SLC44A5: variants seen among roughly 807,000 people sequenced by gnomAD.
SLC44A5 encodes the protein choline transporter-like protein 5.
A neutral mutation model predicts 101.8 loss-of-function variants in SLC44A5; 57 were observed. That is an observed-to-expected ratio of 0.56 (90% CI 0.45 to 0.70). The LOEUF (loss-of-function observed/expected upper bound fraction) is 0.70, where lower values mean the gene tolerates loss of function less well. Among genes scored for constraint, SLC44A5 ranks in the 30% least tolerant of loss-of-function variants. The pLI, the probability that SLC44A5 is intolerant of heterozygous loss-of-function variation, is 0.00. For synonymous variants in SLC44A5, 281 were observed against 290.9 expected (o/e 0.97, Z 0.35); for missense variants, 737 against 853.1 (o/e 0.86, Z 1.70).
At chr1:75,666,902 A>G in the SLC44A5 span, among the ~76,000 whole-genome samples, 11 of 152,166 alleles carry the variant, frequency 7.2e-5, no homozygotes, top group African/African-American at 2.6e-4. Flanking sequence ...CATGCTAAAA[A>G]CTCTCAATAA....
chr1:75,392,666 G>A (rs1661868891), intron 3 of SLC44A5, among the ~76,000 whole-genome samples: 1 of 152,066 alleles, frequency 6.6e-6, no homozygotes, highest in African/African-American at 2.4e-5. Context: ...ATATCCAAAG[G>A]AAAAGAAATT....
rs533441261 is a variant in SLC44A5 at position 75,241,929 on chromosome 1, G to A, written c.532+72C>T. The A allele has an allele frequency of 2.8e-4, 378 of 1,336,548 alleles. 6 individuals are homozygous for A. The South Asian group carries it at 4.4e-3, about 15-fold the overall frequency. 82.8% of individuals were successfully genotyped at this position (1,336,548 alleles called of 1,614,324 possible). On this transcript the variant is annotated intron_variant, in intron 9 of 23. Transcript: ENST00000370859. ...TCTTGGCCTCAGTCTCATCAATTGTGAAATACGGGAACTTAATTAAGTAGC... is the reference window on the plus strand; with the variant it reads ...TCTTGGCCTCAGTCTCATCAATTGTAAAATACGGGAACTTAATTAAGTAGC...
intron 4 of SLC44A5, among the ~76,000 whole-genome samples, chr1:75,328,204 C>T (rs940554402): frequency 6.6e-6 from 1 of 152,060 alleles, no homozygotes; most frequent in African/African-American, 2.4e-5. Context: ...ACTCTCTTGC[C>T]AAAAGAATGT....
intron 2 of SLC44A5, among the ~76,000 whole-genome samples, chr1:75,457,723 A>G (rs757286370): frequency 3.3e-5 from 5 of 152,036 alleles, no homozygotes; most frequent in Non-Finnish European, 4.4e-5. Flanking sequence ...CCGGGCATGG[A>G]GGCGCATGCC....
At chr1:75,552,174 C>T (rs1671970871) in intron 1 of SLC44A5, among the ~76,000 whole-genome samples, 1 of 152,134 alleles carries the variant, frequency 6.6e-6, no homozygotes, top group Non-Finnish European at 1.5e-5. Context: ...AACCTTTCTA[C>T]ATGTCTGTGT....
At chr1:75,533,848 G>T (rs1458912698) in intron 2 of SLC44A5, among the ~76,000 whole-genome samples, 1 of 152,062 alleles carries the variant, frequency 6.6e-6, no homozygotes, top group African/African-American at 2.4e-5. Flanking sequence ...TCCTAATTTT[G>T]ATTAGATGAT....
At chr1:75,483,707 T>A (rs937520954) in intron 2 of SLC44A5, among the ~76,000 whole-genome samples, 11 of 152,182 alleles carry the variant, frequency 7.2e-5, no homozygotes, top group African/African-American at 2.7e-4. Context: ...GACTAGATGA[T>A]CTCTAAGAAA....
intron 3 of SLC44A5, among the ~76,000 whole-genome samples, chr1:75,389,786 T>G (rs1404125548): frequency 4.6e-5 from 7 of 152,074 alleles, no homozygotes; most frequent in Non-Finnish European, 8.8e-5. Context: ...ATCCCAAAGC[T>G]GGCAGAAGAA....
chr1:75,675,324 T>A, the SLC44A5 span, among the ~76,000 whole-genome samples: 1 of 152,156 alleles, frequency 6.6e-6, no homozygotes, highest in South Asian at 2.1e-4. Context: ...ACAGGTCCTT[T>A]ACTTCCCTCA....
chr1:75,283,292 T>A (rs1235919452), intron 5 of SLC44A5, among the ~76,000 whole-genome samples: 2 of 152,156 alleles, frequency 1.3e-5, no homozygotes, highest in Non-Finnish European at 2.9e-5. Flanking sequence ...CATTTGTATA[T>A]CTTCTTTTGA....
At chr1:75,335,125 A>T (rs1260015752) in intron 4 of SLC44A5, among the ~76,000 whole-genome samples, 1 of 152,192 alleles carries the variant, frequency 6.6e-6, no homozygotes, top group Non-Finnish European at 1.5e-5. Flanking sequence ...AGCCCTACAT[A>T]ATTTTGTCCT....
At chr1:75,330,104 TATACACACACACAC>T (rs1456190292) in intron 4 of SLC44A5, among the ~76,000 whole-genome samples, 8 of 144,184 alleles carry the variant, frequency 5.5e-5, no homozygotes, top group Admixed American at 6.8e-5. Context: ...AATATATATA[TATACACACACACAC>T]ACACACACAC....
At chr1:75,409,281 T>C (rs1254690304) in intron 2 of SLC44A5, among the ~76,000 whole-genome samples, 2 of 152,170 alleles carry the variant, frequency 1.3e-5, no homozygotes, top group Non-Finnish European at 2.9e-5. Context: ...GTACCCTGAA[T>C]ATATAACTGG....
At chr1:75,214,564 C>T (rs764974594) in intron 20 of SLC44A5, 41 bp downstream of exon 20, 6 of 1,512,844 alleles carry the variant, frequency 4.0e-6, no homozygotes, top group Non-Finnish European at 5.5e-6. Context: ...GCTCAAGGTT[C>T]ACTACATTGT....
At chr1:75,627,214 G>A in the SLC44A5 span, among the ~76,000 whole-genome samples, 1 of 152,064 alleles carries the variant, frequency 6.6e-6, no homozygotes, top group Non-Finnish European at 1.5e-5. Context: ...CTGTGTGGAT[G>A]TCTGTCTCTG....
chr1:75,368,753 C>T (rs1204499649), intron 3 of SLC44A5, among the ~76,000 whole-genome samples: 2 of 152,016 alleles, frequency 1.3e-5, no homozygotes, highest in Admixed American at 6.6e-5. Context: ...CTATTATTGT[C>T]AAGGGGAACT....
intron 2 of SLC44A5, among the ~76,000 whole-genome samples, chr1:75,532,457 T>G (rs1670771537): frequency 6.6e-6 from 1 of 152,172 alleles, no homozygotes; most frequent in Non-Finnish European, 1.5e-5. Flanking sequence ...TGGCATGTGG[T>G]GCTTCAGATC....
chr1:75,243,034 G>A (rs771302965), intron 7 of SLC44A5, 23 bp from the exon 8 acceptor site: 40 of 1,600,176 alleles, frequency 2.5e-5, no homozygotes, highest in Non-Finnish European at 3.1e-5. Flanking sequence ...AAAGTGATGA[G>A]AACTGAACTG....
At chr1:75,446,311 A>G (rs1665573102) in intron 2 of SLC44A5, among the ~76,000 whole-genome samples, 2 of 151,934 alleles carry the variant, frequency 1.3e-5, no homozygotes, top group African/African-American at 2.4e-5. Context: ...CCCTCACTCA[A>G]TCTACTTCAG....
Sources: gnomAD v4.1 joint callset for allele counts (sites outside exome capture counted in the v4.1 genomes callset) on GRCh38, gnomAD v4.1.1 for gene constraint, MANE v1.5 for transcripts, NCBI Gene and HGNC (gene_info 2026-07-23, HGNC 2026-07-21) for gene names.